The following SLC16A12 variants were observed in gnomAD, a reference collection of about 807,000 sequenced individuals.
SLC16A12 encodes the protein monocarboxylate transporter 12.
Under a neutral mutation model 42.4 loss-of-function variants are expected in SLC16A12, and 17 were observed. The ratio of observed to expected loss-of-function variants is 0.40; its 90% CI spans 0.27 to 0.60. SLC16A12 has a LOEUF of 0.60. SLC16A12 is among the 20% of genes least tolerant of loss of function. The pLI, the probability that SLC16A12 is intolerant of heterozygous loss-of-function variation, is 0.42. For missense variants in SLC16A12, 544 were observed against 623.0 expected (o/e 0.87, Z 1.35); for synonymous variants, 224 against 229.4 (o/e 0.98, Z 0.21).
chr10:89,522,009 G>A (rs1229572864), intron 2 of SLC16A12, among the ~76,000 whole-genome samples: 4 of 152,134 alleles, frequency 2.6e-5, no homozygotes, highest in Non-Finnish European at 4.4e-5. Context: ...GGACTACCAG[G>A]AACCATCCTC....
intron 3 of SLC16A12, among the ~76,000 whole-genome samples, chr10:89,449,572 T>C (rs1340569048): frequency 1.3e-5 from 2 of 152,238 alleles, no homozygotes; most frequent in African/African-American, 4.8e-5. Flanking sequence ...AAGCTGAAAC[T>C]GGATCCCTTC....
intron 2 of SLC16A12, among the ~76,000 whole-genome samples, chr10:89,555,597 A>C (rs917621211): frequency 7.0e-6 from 1 of 142,532 alleles, no homozygotes; most frequent in Non-Finnish European, 1.5e-5. Context: ...GTATATATAC[A>C]CATATATACA....
intron 2 of SLC16A12, among the ~76,000 whole-genome samples, chr10:89,499,242 A>T (rs1181618583): frequency 6.6e-6 from 1 of 152,204 alleles, no homozygotes; most frequent in East Asian, 1.9e-4. Flanking sequence ...ATATCAATGA[A>T]ATAAATATTT....
At chr10:89,515,005 T>C (rs1843223863) in intron 2 of SLC16A12, among the ~76,000 whole-genome samples, 1 of 152,046 alleles carries the variant, frequency 6.6e-6, no homozygotes, top group South Asian at 2.1e-4. Context: ...GGCAGGAGAA[T>C]TGCTTGAACC....
intron 3 of SLC16A12, among the ~76,000 whole-genome samples, chr10:89,456,715 C>T (rs970533890): frequency 3.9e-5 from 6 of 152,004 alleles, no homozygotes; most frequent in Non-Finnish European, 8.8e-5. Context: ...TCCCCCACCC[C>T]GACAGGCCCC....
intron 3 of SLC16A12, among the ~76,000 whole-genome samples, chr10:89,444,828 G>A (rs1678898104): frequency 6.6e-6 from 1 of 152,218 alleles, no homozygotes; most frequent in Admixed American, 6.5e-5. Context: ...AGCACAAGGG[G>A]ATTTCCCTTT....
At chr10:89,452,140 A>C (rs756633444) in intron 3 of SLC16A12, among the ~76,000 whole-genome samples, 4 of 152,214 alleles carry the variant, frequency 2.6e-5, no homozygotes, top group Non-Finnish European at 4.4e-5. Context: ...AAGGAAATGG[A>C]AAGATCAGCC....
At chr10:89,435,022 C>A (rs1295184409) in intron 7 of SLC16A12, among the ~76,000 whole-genome samples, 1 of 152,240 alleles carries the variant, frequency 6.6e-6, no homozygotes, top group Non-Finnish European at 1.5e-5. Context: ...ATGCTAGTTA[C>A]ACATGCAATA....
intron 2 of SLC16A12, among the ~76,000 whole-genome samples, chr10:89,519,171 T>C (rs1425261621): frequency 2.6e-5 from 4 of 152,274 alleles, no homozygotes; most frequent in African/African-American, 9.6e-5. Context: ...ATATCCCATA[T>C]TGATACTGTG....
chr10:89,457,808 T>C (rs1306470922), intron 3 of SLC16A12, among the ~76,000 whole-genome samples: 1 of 152,216 alleles, frequency 6.6e-6, no homozygotes, highest in Admixed American at 6.5e-5. Context: ...CCTGTGACTT[T>C]TTCAAAAATA....
At chr10:89,438,388 C>T (rs1270822472) in intron 6 of SLC16A12, among the ~76,000 whole-genome samples, 1 of 152,246 alleles carries the variant, frequency 6.6e-6, no homozygotes, top group Non-Finnish European at 1.5e-5. Flanking sequence ...ATGATGAACA[C>T]TTGGCCTACA....
chr10:89,493,451 A>C (rs1337904328), intron 2 of SLC16A12, among the ~76,000 whole-genome samples: 1 of 152,146 alleles, frequency 6.6e-6, no homozygotes, highest in Non-Finnish European at 1.5e-5. Flanking sequence ...TTGAACTCCC[A>C]ACCTCAGGTA....
chr10:89,436,426 G>T, intron 6 of SLC16A12, 107 bp from the exon 7 acceptor site: 1 of 1,364,196 alleles, frequency 7.3e-7, no homozygotes, highest in East Asian at 2.4e-5. Context: ...TACAGAGATG[G>T]CTTTCCCATT....
intron 2 of SLC16A12, among the ~76,000 whole-genome samples, chr10:89,519,399 A>G (rs567468370): frequency 3.1e-4 from 47 of 152,192 alleles, no homozygotes; most frequent in Non-Finnish European, 5.6e-4. Context: ...AAAATACCCT[A>G]TCAGCAAAAA....
chr10:89,521,222 T>C (rs1443709352), intron 2 of SLC16A12, among the ~76,000 whole-genome samples: 1 of 152,220 alleles, frequency 6.6e-6, no homozygotes, highest in African/African-American at 2.4e-5. Flanking sequence ...ACATTGTAGC[T>C]GATCCCATTG....
chr10:89,472,264 C>A (rs183552951), intron 2 of SLC16A12, among the ~76,000 whole-genome samples: 22 of 147,678 alleles, frequency 1.5e-4, no homozygotes, highest in African/African-American at 5.0e-4. Context: ...AGATTCAACA[C>A]AACATGTGCA....
intron 3 of SLC16A12, among the ~76,000 whole-genome samples, chr10:89,453,968 T>TTC (rs35296744): frequency 0.19 from 27,985 of 150,888 alleles, 2,857 homozygotes; most frequent in East Asian, 0.31. Flanking sequence ...GTTCTACTTA[T>TTC]TCTCTCTCTC....
upstream of SLC16A12, among the ~76,000 whole-genome samples, chr10:89,539,600 T>C (rs1376984938): frequency 7.2e-5 from 11 of 152,288 alleles, no homozygotes; most frequent in East Asian, 7.7e-4. Flanking sequence ...AAAGGGAACA[T>C]TGGCTACAGA....
At chr10:89,553,315 G>C (rs1203304463) in intron 2 of SLC16A12, among the ~76,000 whole-genome samples, 3 of 152,160 alleles carry the variant, frequency 2.0e-5, no homozygotes, top group Non-Finnish European at 2.9e-5. Context: ...ATTACAGTCA[G>C]AGTGGTACAT....
Sources: gnomAD v4.1 joint callset for allele counts (sites outside exome capture counted in the v4.1 genomes callset) on GRCh38, gnomAD v4.1.1 for gene constraint, MANE v1.5 for transcripts, NCBI Gene and HGNC (gene_info 2026-07-23, HGNC 2026-07-21) for gene names.